The following DNM1L variants were observed in gnomAD, a reference collection of about 807,000 sequenced individuals.
The protein encoded by DNM1L is dynamin-1-like protein.
A neutral mutation model predicts 92.8 loss-of-function variants in DNM1L; 33 were observed. That is an observed-to-expected ratio of 0.36 (90% CI 0.27 to 0.48). The LOEUF (loss-of-function observed/expected upper bound fraction) is 0.48, where lower values mean the gene tolerates loss of function less well. Among genes scored for constraint, DNM1L ranks in the 20% least tolerant of loss-of-function variants. DNM1L has a pLI of 0.99. For missense variants in DNM1L, 485 were observed against 888.8 expected (o/e 0.55, Z 5.78); for synonymous variants, 284 against 305.0 (o/e 0.93, Z 0.72).
chr12:32,737,153 C>A lies in DNM1L; in HGVS notation c.1588C>A (p.Arg530=), dbSNP rs1439786424. The change falls in exon 14 of 20, where the codon CGA becomes AGA. Residue 530 remains arginine, a synonymous_variant. Coordinates refer to ENST00000549701, the MANE Select transcript of DNM1L (RefSeq NM_012062.5). ...LARELPSAVS[R]DKSSKVPSAL... is the part of the protein sequence containing the mutation. ...CAGAGAATTACCTTCAGCTGTATCA[C>A]GAGACAAGGTAAAAAAATGTTTTTA... The A allele has an allele frequency of 6.2e-7, 1 of 1,613,452 alleles. No individual in the cohort carries two copies. The highest frequency in any genetic ancestry group is 1.3e-5 in the African/African-American group (1 of 74,868).
chr12:32,696,066 A>T (rs768102107), intron 1 of DNM1L, among the ~76,000 whole-genome samples: 1 of 152,228 alleles, frequency 6.6e-6, no homozygotes, highest in African/African-American at 2.4e-5. Flanking sequence ...GACAATTTTA[A>T]TGAAATAAAA....
intron 2 of DNM1L, among the ~76,000 whole-genome samples, chr12:32,704,189 A>G (rs1952825613): frequency 1.3e-5 from 2 of 152,194 alleles, no homozygotes; most frequent in South Asian, 4.1e-4. Context: ...AAAATGTGAA[A>G]AAAAAATTTA....
intron 2 of DNM1L, among the ~76,000 whole-genome samples, chr12:32,702,652 TTACTG>T (rs1952760698): frequency 6.6e-6 from 1 of 152,124 alleles, no homozygotes. Context: ...ATTTTTTCAT[TTACTG>T]TAGGAGCTGT....
intron 2 of DNM1L, among the ~76,000 whole-genome samples, chr12:32,701,872 C>T (rs1215114422): frequency 5.9e-5 from 9 of 151,662 alleles, no homozygotes; most frequent in African/African-American, 9.7e-5. Flanking sequence ...GGATTACAGG[C>T]GCCCCCCACC....
Position 32,713,272 on chromosome 12 carries a change from A to C in DNM1L, c.520A>C (p.Ile174Leu), listed in dbSNP as rs1158418550. Reference sequence around the variant, plus strand: ...AATCAGAGAGCTCATTCTTCGGTTCATCAGTAATCCTAATTCCATTATCCT... The same window carrying C: ...AATCAGAGAGCTCATTCTTCGGTTCCTCAGTAATCCTAATTCCATTATCCT... ...LQIRELILRF[I>L]SNPNSIILAV... Residue 174 changes from isoleucine (I) to leucine (L), a missense_variant, in exon 6 of 20, where the codon ATC becomes CTC. By Grantham distance (5) the Ile-to-Leu change is conservative. Coordinates refer to ENST00000549701, the MANE Select transcript of DNM1L (RefSeq NM_012062.5). The C allele has an allele frequency of 6.2e-7, 1 of 1,613,872 alleles. No individual in the cohort carries two copies. Among genetic ancestry groups the C allele is most frequent in the Non-Finnish European group, 8.5e-7 (1 of 1,179,956 alleles).
At chr12:32,718,235 G>A (rs541646821) in intron 6 of DNM1L, among the ~76,000 whole-genome samples, 2 of 149,374 alleles carry the variant, frequency 1.3e-5, no homozygotes, top group Non-Finnish European at 3.0e-5. Flanking sequence ...TCTGCCTCTC[G>A]GGTTCAAGCA....
intron 17 of DNM1L, 27 bp downstream of exon 17, chr12:32,740,267 A>C (rs748869924): frequency 1.2e-6 from 2 of 1,614,204 alleles, no homozygotes; most frequent in Non-Finnish European, 1.7e-6. Context: ...TGGTTTAGGT[A>C]ATAAGGTAGG....
intron 2 of DNM1L, among the ~76,000 whole-genome samples, chr12:32,701,799 C>T (rs962881747): frequency 5.9e-5 from 9 of 151,852 alleles, no homozygotes; most frequent in African/African-American, 2.2e-4. Context: ...ATGATCTTGG[C>T]TCACTGCAAC....
In DNM1L at chr12:32,740,594, T is replaced by C. The variant is rs990414288; in HGVS notation, c.1994+76T>C. 8 of 1,320,272 alleles carry C rather than the reference T, an allele frequency of 6.1e-6. 1 individual carries two copies. In the South Asian group the frequency reaches 1.0e-4, roughly 17 times the overall value. The allele number at this position is 1,320,272 out of a possible 1,614,324, so 81.8% of individuals were successfully genotyped here. A position where few individuals can be genotyped will look rare whatever the true frequency, so the allele number is the denominator to read the frequency against. On this transcript the variant is annotated intron_variant, in intron 18 of 19. Transcript: ENST00000549701. ...TGTGATCTGTTTTGAAAAATACATGTATTTTTACAATTTTAGGTTTTTATT... is the reference window on the plus strand; with the variant it reads ...TGTGATCTGTTTTGAAAAATACATGCATTTTTACAATTTTAGGTTTTTATT...
chr12:32,740,332 T>G (rs773314877), intron 17 of DNM1L, 77 bp from the exon 18 acceptor site: 12 of 1,610,418 alleles, frequency 7.5e-6, no homozygotes, highest in Non-Finnish European at 8.5e-6. Context: ...TCTCAAAAAC[T>G]TACATAACTT....
At chr12:32,717,196 TA>T (rs1373366590) in intron 6 of DNM1L, among the ~76,000 whole-genome samples, 1 of 118,170 alleles carries the variant, frequency 8.5e-6, no homozygotes, top group Non-Finnish European at 1.7e-5. Context: ...ATACTATATA[TA>T]TTTATATATA....
In DNM1L at chr12:32,695,385, G is replaced by A. The variant is rs1427641606; in HGVS notation, c.103-6030G>A. ...AAACTGTGAGATATTAAGACAAAAG[G>A]CAAGACAGAAGACACTACAATGATA... On this transcript the variant is annotated intron_variant, in intron 1 of 19. Transcript: ENST00000549701. Among the ~76,000 whole-genome samples, 3 of 152,064 alleles carry A rather than the reference G, an allele frequency of 2.0e-5. No individual in the cohort carries two copies. In the South Asian group the frequency reaches 6.2e-4, roughly 32 times the overall value.
At chr12:32,726,954 T>A in intron 9 of DNM1L, 1 of 726,824 alleles carries the variant, frequency 1.4e-6, no homozygotes, top group Non-Finnish European at 2.5e-6. Flanking sequence ...ATCTGAGAAC[T>A]TCACTTTGGT....
At chr12:32,718,980 C>T (rs557826059) in intron 7 of DNM1L, among the ~76,000 whole-genome samples, 15 of 149,080 alleles carry the variant, frequency 1.0e-4, no homozygotes, top group Non-Finnish European at 2.1e-4. Context: ...GAAATAGGGT[C>T]TCTCTCTGTT....
At chr12:32,740,036 TG>T (rs767776467) in intron 16 of DNM1L, 27 bp from the exon 17 acceptor site, 1 of 1,614,066 alleles carries the variant, frequency 6.2e-7, no homozygotes, top group South Asian at 1.1e-5. Context: ...ATGATGTGGT[TG>T]GTATGTTTTG....
rs756104302 is a variant in DNM1L at position 32,735,683 on chromosome 12, C to T, written c.1540-1422C>T. 1.3e-4 allele frequency among the ~76,000 whole-genome samples: 20 copies of T among 151,966 alleles called. 1 individual carries two copies. Among genetic ancestry groups the T allele is most frequent in the Non-Finnish European group, 5.9e-5 (4 of 67,988 alleles). ...ATCACCTGAGGTCAGGAGTTCAAGT[C>T]TAGCCTGGCCAACGTGGCAAAACTG... On this transcript the variant is annotated intron_variant, in intron 13 of 19. Transcript: ENST00000549701.
At chr12:32,679,512 G>T in intron 1 of DNM1L, 47 bp downstream of exon 1, 1 of 1,559,782 alleles carries the variant, frequency 6.4e-7, no homozygotes. Flanking sequence ...CCGGCCGCAG[G>T]CCTGGTCGGT....
At chr12:32,705,766 G>T in intron 2 of DNM1L, 2 of 1,481,572 alleles carry the variant, frequency 1.3e-6, no homozygotes, top group South Asian at 1.2e-5. Context: ...TTTTAATAAG[G>T]TTTAAAATTT....
At chr12:32,737,754 T>G in intron 14 of DNM1L, 111 bp from the exon 15 acceptor site, 5 of 820,236 alleles carry the variant, frequency 6.1e-6, no homozygotes, top group South Asian at 4.3e-5. Context: ...TTTTCATCTT[T>G]CATGTTATTT....
Sources: gnomAD v4.1 joint callset for allele counts (sites outside exome capture counted in the v4.1 genomes callset) on GRCh38, gnomAD v4.1.1 for gene constraint, MANE v1.5 for transcripts, NCBI Gene and HGNC (gene_info 2026-07-23, HGNC 2026-07-21) for gene names.